GALNT7: variants seen among roughly 807,000 people sequenced by gnomAD.
The protein encoded by GALNT7 is polypeptide N-acetylgalactosaminyltransferase 7, also known as N-acetylgalactosaminyltransferase 7.
Under a neutral mutation model 82.1 loss-of-function variants are expected in GALNT7, and 60 were observed. That is an observed-to-expected ratio of 0.73 (90% CI 0.59 to 0.91). The LOEUF (loss-of-function observed/expected upper bound fraction) is 0.91, where lower values mean the gene tolerates loss of function less well. GALNT7 is among the 40% of genes least tolerant of loss of function. GALNT7 has a pLI of 0.00. For missense variants in GALNT7, 660 were observed against 804.2 expected, an observed-to-expected ratio of 0.82 and a Z score of 2.17; for synonymous variants, 243 against 275.1, an observed-to-expected ratio of 0.88 and a Z score of 1.15.
chr4:173,243,346 G>A (rs1734498050), intron 1 of GALNT7, among the ~76,000 whole-genome samples: 1 of 152,120 alleles, frequency 6.6e-6, no homozygotes, highest in Admixed American at 6.5e-5. Context: ...AGTGATAAGT[G>A]GTTATATTTT....
At chr4:173,251,358 T>A (rs959066561) in intron 2 of GALNT7, among the ~76,000 whole-genome samples, 1 of 152,248 alleles carries the variant, frequency 6.6e-6, no homozygotes, top group Non-Finnish European at 1.5e-5. Context: ...AAAAGTCTTT[T>A]ATTAGCCTGT....
At chr4:173,210,686 C>T (rs1184417407) in intron 1 of GALNT7, among the ~76,000 whole-genome samples, 1 of 152,146 alleles carries the variant, frequency 6.6e-6, no homozygotes, top group Non-Finnish European at 1.5e-5. Context: ...CCCACCTCGG[C>T]CTCGCAGCGT....
chr4:173,199,951 T>C (rs1046443176), intron 1 of GALNT7, among the ~76,000 whole-genome samples: 2 of 152,236 alleles, frequency 1.3e-5, no homozygotes, highest in Admixed American at 6.5e-5. Flanking sequence ...AAAGTTAAAG[T>C]CTTCCTGGAA....
At chr4:173,215,140 A>T (rs1421831103) in intron 1 of GALNT7, among the ~76,000 whole-genome samples, 1 of 152,136 alleles carries the variant, frequency 6.6e-6, no homozygotes, top group Non-Finnish European at 1.5e-5. Context: ...TATGGTGGAT[A>T]CACAAAGAAA....
intron 2 of GALNT7, among the ~76,000 whole-genome samples, chr4:173,263,048 G>A (rs62342300): frequency 0.01 from 1,548 of 152,244 alleles, 10 homozygotes; most frequent in Non-Finnish European, 0.016. Context: ...GGCACCAGCA[G>A]TTTTACCCAC....
chr4:173,185,802 T>G (rs1241098453), intron 1 of GALNT7, among the ~76,000 whole-genome samples: 1 of 152,236 alleles, frequency 6.6e-6, no homozygotes, highest in African/African-American at 2.4e-5. Flanking sequence ...AAGAAAGAGA[T>G]AAATAAGCAT....
At chr4:173,224,314 A>C (rs1001852547) in intron 1 of GALNT7, among the ~76,000 whole-genome samples, 2 of 152,092 alleles carry the variant, frequency 1.3e-5, no homozygotes, top group South Asian at 4.1e-4. Context: ...TTTCAGGGCT[A>C]CTTTTCTTTC....
At chr4:173,294,324 A>C (rs1736643712) in intron 3 of GALNT7, among the ~76,000 whole-genome samples, 1 of 151,648 alleles carries the variant, frequency 6.6e-6, no homozygotes, top group Non-Finnish European at 1.5e-5. Flanking sequence ...TTCTGAGGGG[A>C]AAAAACATGA....
intron 9 of GALNT7, among the ~76,000 whole-genome samples, chr4:173,315,238 G>T (rs1037728303): frequency 6.6e-6 from 1 of 152,166 alleles, no homozygotes; most frequent in African/African-American, 2.4e-5. Flanking sequence ...GTGTGTGAAG[G>T]GATAAGGGCC....
chr4:173,175,159 A>G lies in GALNT7; in HGVS notation c.126+6198A>G, dbSNP rs1437028958. 3.3e-5 allele frequency among the ~76,000 whole-genome samples: 5 copies of G among 152,346 alleles called. 1 individual carries two copies. The Middle Eastern group carries it at 0.014, about 415-fold the overall frequency. On this transcript the variant is annotated intron_variant, in intron 1 of 11. Transcript: ENST00000265000. The stretch of plus-strand genomic sequence containing the variant: ...CCTAACTAGATAATTGTCTTTGTTC[A>G]TATTTTGAATTTCGATTCTCATTCC...
chr4:173,224,884 G>T (rs549166371), intron 1 of GALNT7, among the ~76,000 whole-genome samples: 5 of 151,610 alleles, frequency 3.3e-5, no homozygotes, highest in Non-Finnish European at 7.4e-5. Context: ...GCGTGGTGGC[G>T]CGCGCCTGTA....
chr4:173,241,444 G>C (rs1035308383), intron 1 of GALNT7, among the ~76,000 whole-genome samples: 1 of 152,122 alleles, frequency 6.6e-6, no homozygotes, highest in African/African-American at 2.4e-5. Flanking sequence ...GAGATCTTTA[G>C]AAAATTATTG....
intron 1 of GALNT7, among the ~76,000 whole-genome samples, chr4:173,228,944 A>T (rs1248782683): frequency 5.3e-5 from 8 of 152,228 alleles, no homozygotes; most frequent in Admixed American, 5.2e-4. Flanking sequence ...GATGCCTTTC[A>T]GGAATACTAA....
intron 2 of GALNT7, among the ~76,000 whole-genome samples, chr4:173,274,973 T>C (rs992332050): frequency 3.3e-5 from 5 of 152,216 alleles, no homozygotes; most frequent in African/African-American, 9.6e-5. Context: ...TCCACGGTCA[T>C]AGGACCTGAC....
intron 8 of GALNT7, among the ~76,000 whole-genome samples, chr4:173,311,019 A>G (rs1395672883): frequency 6.6e-6 from 1 of 152,152 alleles, no homozygotes; most frequent in East Asian, 1.9e-4. Context: ...CTATATCCTC[A>G]TCTTAAAATG....
At chr4:173,297,039 C>T (rs951198041) in intron 5 of GALNT7, among the ~76,000 whole-genome samples, 5 of 152,096 alleles carry the variant, frequency 3.3e-5, no homozygotes, top group Admixed American at 6.5e-5. Flanking sequence ...TCCTTTCTGA[C>T]GAGATGAACA....
intron 1 of GALNT7, among the ~76,000 whole-genome samples, chr4:173,179,694 T>C (rs1307573012): frequency 1.3e-5 from 2 of 152,204 alleles, no homozygotes; most frequent in Non-Finnish European, 2.9e-5. Context: ...TTAATACTTG[T>C]AGAGAAGTGA....
chr4:173,234,559 T>C (rs113747211), intron 1 of GALNT7, among the ~76,000 whole-genome samples: 1 of 152,200 alleles, frequency 6.6e-6, no homozygotes, highest in Non-Finnish European at 1.5e-5. Flanking sequence ...TCATCACACA[T>C]ATCCAATCCA....
At chr4:173,173,051 G>C (rs1731926880) in intron 1 of GALNT7, among the ~76,000 whole-genome samples, 1 of 152,140 alleles carries the variant, frequency 6.6e-6, no homozygotes, top group Non-Finnish European at 1.5e-5. Context: ...AGATTGGCAG[G>C]GCGGTGGTAG....
Sources: gnomAD v4.1 joint callset for allele counts (sites outside exome capture counted in the v4.1 genomes callset) on GRCh38, gnomAD v4.1.1 for gene constraint, MANE v1.5 for transcripts, NCBI Gene and HGNC (gene_info 2026-07-23, HGNC 2026-07-21) for gene names.